MIDEAS: variants seen among roughly 807,000 people sequenced by gnomAD.
MIDEAS encodes the protein mitotic deacetylase-associated SANT domain protein.
MIDEAS carries 26 observed loss-of-function variants against 102.7 expected under a neutral mutation model. That is an observed-to-expected ratio of 0.25 (90% CI 0.19 to 0.35). MIDEAS has a LOEUF of 0.35. Among genes scored for constraint, MIDEAS ranks in the 10% least tolerant of loss-of-function variants. The pLI is 1.00. For synonymous variants in MIDEAS, 585 were observed against 591.0 expected, an observed-to-expected ratio of 0.99 and a Z score of 0.15; for missense variants, 1,231 against 1,435.6, an observed-to-expected ratio of 0.86 and a Z score of 2.30.
chr14:73,777,177 G>C (rs940133055), intron 1 of MIDEAS, among the ~76,000 whole-genome samples: 2 of 151,936 alleles, frequency 1.3e-5, no homozygotes, highest in African/African-American at 4.8e-5. Context: ...TGGAGCGAGT[G>C]GCACAAAAAA....
chr14:73,738,126 G>A (rs929102050), intron 2 of MIDEAS, among the ~76,000 whole-genome samples: 3 of 152,068 alleles, frequency 2.0e-5, no homozygotes, highest in African/African-American at 7.2e-5. Flanking sequence ...GGCTGGACAC[G>A]GTGGCTCACG....
At chr14:73,737,376 C>T (rs927475532) in intron 2 of MIDEAS, 79 bp from the exon 3 acceptor site, 3 of 1,454,172 alleles carry the variant, frequency 2.1e-6, no homozygotes, top group East Asian at 2.4e-5. Flanking sequence ...ATAATTCCTG[C>T]ACTTTGGGAG....
chr14:73,781,873 A>G lies in MIDEAS; in HGVS notation c.-248+5229T>C, dbSNP rs373302344. On this transcript the variant is annotated intron_variant, in intron 1 of 11. Coordinates refer to the MIDEAS transcript ENST00000394071. Reference sequence around the variant, plus strand: ...AGGGTTCAAGACCAGCCTGGCCAACATGGGGAAACCTTGTCTTTACTAAAA... The same window carrying G: ...AGGGTTCAAGACCAGCCTGGCCAACGTGGGGAAACCTTGTCTTTACTAAAA... Among the ~76,000 whole-genome samples, 24 of 152,272 alleles carry G rather than the reference A, an allele frequency of 1.6e-4. No individual in the cohort carries two copies. The East Asian group carries it at 3.7e-3, about 23-fold the overall frequency.
At chr14:73,753,994 T>C (rs1236585974) in intron 1 of MIDEAS, among the ~76,000 whole-genome samples, 1 of 152,002 alleles carries the variant, frequency 6.6e-6, no homozygotes, top group Non-Finnish European at 1.5e-5. Flanking sequence ...AGAGGGAGGC[T>C]GAGGAAGGGC....
At chr14:73,754,591 C>T (rs1379270848) in intron 1 of MIDEAS, among the ~76,000 whole-genome samples, 1 of 152,220 alleles carries the variant, frequency 6.6e-6, no homozygotes, top group East Asian at 1.9e-4. Context: ...ATCTCACCAC[C>T]TCTCGGCTTC....
intron 1 of MIDEAS, among the ~76,000 whole-genome samples, chr14:73,771,833 C>G (rs1183220140): frequency 6.6e-6 from 1 of 152,256 alleles, no homozygotes; most frequent in Non-Finnish European, 1.5e-5. Context: ...CGCTACCTCA[C>G]TAGGGCCCCA....
At chr14:73,750,123 G>T (rs2053403211) in intron 1 of MIDEAS, among the ~76,000 whole-genome samples, 1 of 152,134 alleles carries the variant, frequency 6.6e-6, no homozygotes, top group South Asian at 2.1e-4. Flanking sequence ...CGAGTACTTC[G>T]CTGGGCTGGG....
At chr14:73,750,492 A>G (rs1876303973) in intron 1 of MIDEAS, among the ~76,000 whole-genome samples, 1 of 152,198 alleles carries the variant, frequency 6.6e-6, no homozygotes, top group South Asian at 2.1e-4. Context: ...GGGTATCTGT[A>G]AAAGCCCCTG....
intron 1 of MIDEAS, among the ~76,000 whole-genome samples, chr14:73,748,130 T>C (rs1460204637): frequency 1.3e-5 from 2 of 152,196 alleles, no homozygotes; most frequent in Middle Eastern, 3.4e-3. Context: ...AAGACAGTAA[T>C]AGAAGAACAA....
At position 73,738,942 on chromosome 14, in the gene MIDEAS, G is replaced by A. The variant is rs1208991084; in HGVS notation, c.1067C>T (p.Pro356Leu). Residue 356 changes from proline to leucine, a missense_variant, in exon 2 of 13, where the codon CCT (proline) becomes CTT (leucine). Physicochemically the swap from Pro to Leu is moderately conservative, Grantham distance 98. Around this residue, in one of 5 missense-constraint regions of MIDEAS, gnomAD observed 758 missense variants for 856.0 expected, o/e 0.89. Transcript: ENST00000423556. ...SRRLSKEGIL[P>L]PSALDGAGTQ... ...GCCAGCCCCATCCAGGGCGCTGGGA[G>A]GCAGGATACCCTCCTTAGAGAGGCG... The A allele has an allele frequency of 1.3e-6, 2 of 1,527,386 alleles. No individual in the cohort carries two copies. Among genetic ancestry groups the A allele is most frequent in the Non-Finnish European group, 1.8e-6 (2 of 1,139,578 alleles). The allele number at this position is 1,527,386 out of a possible 1,614,324, so 94.6% of individuals were successfully genotyped here.
At chr14:73,735,958 A>G (rs2053194735) in intron 3 of MIDEAS, among the ~76,000 whole-genome samples, 1 of 152,074 alleles carries the variant, frequency 6.6e-6, no homozygotes, top group Non-Finnish European at 1.5e-5. Context: ...GGAGTTCAAG[A>G]CTAACCTGGC....
chr14:73,773,290 G>A (rs974872180), intron 1 of MIDEAS, among the ~76,000 whole-genome samples: 3 of 151,770 alleles, frequency 2.0e-5, no homozygotes, highest in African/African-American at 2.4e-5. Context: ...CCTGCTATTC[G>A]GAATACGTAC....
At chr14:73,776,757 C>G (rs1414773480) in intron 1 of MIDEAS, among the ~76,000 whole-genome samples, 1 of 151,938 alleles carries the variant, frequency 6.6e-6, no homozygotes, top group East Asian at 1.9e-4. Flanking sequence ...GCTGGGGAGG[C>G]TGCAGCCTCC....
At chr14:73,782,483 G>A (rs796959666) in intron 1 of MIDEAS, among the ~76,000 whole-genome samples, 13 of 152,112 alleles carry the variant, frequency 8.5e-5, no homozygotes, top group Non-Finnish European at 5.9e-5. Context: ...ACGTGCCACC[G>A]TGCCTGACTA....
rs1405252707 is a variant in MIDEAS at position 73,727,485 on chromosome 14, C to A, written c.2135G>T (p.Gly712Val). 1.9e-6 allele frequency: 3 copies of A among 1,613,738 alleles called. No homozygotes were observed. The highest frequency in any genetic ancestry group is 2.5e-6 in the Non-Finnish European group (3 of 1,179,924). The change falls in exon 5 of 13, where the codon GGG (glycine) becomes GTG (valine). Residue 712 changes from glycine (G) to valine (V), a missense_variant. This residue lies in a region of MIDEAS where 391 missense variants were observed against 483.0 expected (regional missense o/e 0.81). Transcript: ENST00000423556. ...EVTPPVLSVM[G>V]EATPVSIEPR... The stretch of plus-strand genomic sequence containing the variant: ...CTCGATGCTCACTGGGGTGGCCTCC[C>A]CCATCACAGAGAGGACAGGCGGGGT...
At chr14:73,730,785 C>A (rs1011610171) in intron 3 of MIDEAS, among the ~76,000 whole-genome samples, 2 of 152,018 alleles carry the variant, frequency 1.3e-5, no homozygotes, top group African/African-American at 4.8e-5. Flanking sequence ...ATGGCAAAAC[C>A]CTGCCTCTAC....
chr14:73,740,668 C>T (rs927088412), intron 1 of MIDEAS, among the ~76,000 whole-genome samples: 13 of 152,266 alleles, frequency 8.5e-5, no homozygotes. Flanking sequence ...CTTACCCAGG[C>T]CCTAGCCCCC....
rs1265539908 is a variant in MIDEAS, at chr14:73,718,703, T to C, written c.*140A>G. 2.3e-6 allele frequency: 2 copies of C among 863,232 alleles called. No homozygotes were observed. The highest frequency in any genetic ancestry group is 3.2e-6 in the Non-Finnish European group (2 of 629,404). 53.5% of individuals were successfully genotyped at this position (863,232 alleles called of 1,614,324 possible). A position where few individuals can be genotyped will look rare whatever the true frequency, so the allele number is the denominator to read the frequency against. ...TTCATAAATAAAAGAGCCGTTTATGTCATTGTCTCATTTGTTTCGCAGGGA... is the reference window on the plus strand; with the variant it reads ...TTCATAAATAAAAGAGCCGTTTATGCCATTGTCTCATTTGTTTCGCAGGGA... On this transcript the variant is annotated 3_prime_UTR_variant, in exon 13 of 13. Coordinates refer to ENST00000423556, the MANE Select transcript of MIDEAS (RefSeq NM_001367710.1).
At position 73,738,650 on chromosome 14, in the gene MIDEAS, G is replaced by A. The variant is rs35165419; in HGVS notation, c.1359C>T (p.Ser453=). ...GQVLRGGVIQ[S]TRRRRRASQE... ...GGGATGCCCGGCGCCTCCGTCGCGT[G>A]CTCTGGATCACTCCGCCCCGTAGCA... The change falls in exon 2 of 13, where the codon AGC becomes AGT. Residue 453 remains serine (S), a synonymous_variant. Transcript: ENST00000423556. 1,257 of 1,613,662 alleles carry A rather than the reference G, an allele frequency of 7.8e-4. 7 individuals carry two copies. The African/African-American group carries it at 0.015, about 20-fold the overall frequency.
Sources: allele counts gnomAD v4.1 joint callset (sites outside exome capture counted in the v4.1 genomes callset), GRCh38; gene constraint gnomAD v4.1.1; regional missense constraint gnomAD v4.1.1; transcripts MANE v1.5; gene names NCBI Gene and HGNC (gene_info 2026-07-23, HGNC 2026-07-21).